Variants in PCDH15 observed in about 807,000 individuals in gnomAD.
The protein encoded by PCDH15 is protocadherin related 15, also known as protocadherin-15.
PCDH15 carries 129 observed loss-of-function variants against 178.5 expected under a neutral mutation model. The ratio of observed to expected loss-of-function variants is 0.72; its 90% confidence interval spans 0.63 to 0.84. The LOEUF is 0.84. PCDH15 is among the 40% of genes least tolerant of loss of function. The probability of loss-of-function intolerance (pLI) is 0.00; values close to 1 mark genes in which losing one functional copy is unlikely to be tolerated. For synonymous variants in PCDH15, 800 were observed against 732.0 expected (o/e 1.09, Z -1.50); for missense variants, 2,230 against 2,099.9 (o/e 1.06, Z -1.21).
chr10:54,981,812 G>A (rs1479879922), intron 2 of PCDH15, among the ~76,000 whole-genome samples: 1 of 151,966 alleles, frequency 6.6e-6, no homozygotes, highest in East Asian at 1.9e-4. Flanking sequence ...GTCTCATTCT[G>A]CTGCCCAGGT....
rs147471307 is a variant in PCDH15 at position 54,360,944 on chromosome 10, T to C, written c.474+8176A>G. ...ATTAGTCTTGCTGTTATATGGGATT[T>C]AGCATTCTTCATTTTGTTTGGTTAT... On this transcript the variant is annotated intron_variant, in intron 5 of 37. Coordinates refer to ENST00000644397, the MANE Select transcript of PCDH15 (RefSeq NM_001384140.1). 6.2e-3 allele frequency among the ~76,000 whole-genome samples: 940 copies of C among 152,278 alleles called. 9 individuals carry two copies. The highest frequency in any genetic ancestry group is 0.02 in the African/African-American group (835 of 41,568).
At chr10:54,512,359 TTGTG>T (rs200575121) in intron 3 of PCDH15, among the ~76,000 whole-genome samples, 7,785 of 134,066 alleles carry the variant, frequency 0.058, 268 homozygotes, top group African/African-American at 0.094. Context: ...ATTTCTGGCA[TTGTG>T]TGTGTGTGTG....
chr10:55,105,576 A>G (rs1013851245), intron 2 of PCDH15, among the ~76,000 whole-genome samples: 1 of 152,154 alleles, frequency 6.6e-6, no homozygotes, highest in East Asian at 1.9e-4. Context: ...GGAGGATCCT[A>G]TTCATCCTGT....
At chr10:54,697,515 GTATATA>G (rs141387823) in intron 1 of PCDH15, among the ~76,000 whole-genome samples, 1 of 143,054 alleles carries the variant, frequency 7.0e-6, no homozygotes, top group Non-Finnish European at 1.5e-5. Flanking sequence ...TGAAATGTGT[GTATATA>G]TATATATATA....
At chr10:54,770,767 G>A (rs1566189003) in intron 1 of PCDH15, among the ~76,000 whole-genome samples, 1 of 151,934 alleles carries the variant, frequency 6.6e-6, no homozygotes, top group African/African-American at 2.4e-5. Flanking sequence ...ATTAAATGAA[G>A]TTACTTAATC....
chr10:55,088,445 A>AT (rs1221951330), intron 2 of PCDH15, among the ~76,000 whole-genome samples: 2 of 151,252 alleles, frequency 1.3e-5, no homozygotes, highest in African/African-American at 2.4e-5. Context: ...ATTTTTTTGT[A>AT]TTTTTTTTAG....
intron 18 of PCDH15, among the ~76,000 whole-genome samples, chr10:54,042,783 T>A (rs933522817): frequency 3.9e-5 from 6 of 152,112 alleles, no homozygotes; most frequent in African/African-American, 1.4e-4. Flanking sequence ...TAATTTGCAT[T>A]TTTAAAATAT....
intron 2 of PCDH15, among the ~76,000 whole-genome samples, chr10:55,578,764 G>A (rs571641603): frequency 6.6e-6 from 1 of 152,230 alleles, no homozygotes; most frequent in South Asian, 2.1e-4. Flanking sequence ...GGAAGGGGGA[G>A]CAAAGTCACA....
At chr10:53,876,181 T>G (rs1293007738) in intron 26 of PCDH15, among the ~76,000 whole-genome samples, 1 of 107,128 alleles carries the variant, frequency 9.3e-6, no homozygotes, top group Admixed American at 1.2e-4. Flanking sequence ...GAGTCTTGTT[T>G]TTTTTTTTGT....
At chr10:55,215,759 A>C (rs1270875819) in intron 1 of PCDH15, among the ~76,000 whole-genome samples, 1 of 151,952 alleles carries the variant, frequency 6.6e-6, no homozygotes. Flanking sequence ...ATGTGTGAGC[A>C]TCTGTTTTCA....
intron 2 of PCDH15, among the ~76,000 whole-genome samples, chr10:55,392,064 G>C (rs1837806529): frequency 6.6e-6 from 1 of 152,146 alleles, no homozygotes; most frequent in Non-Finnish European, 1.5e-5. Context: ...GAGTCTTGGT[G>C]CAATCAGAAC....
At chr10:55,341,793 ATATATATATATATTTTTTTTTTTTTTT>A (rs1485485525) in intron 2 of PCDH15, among the ~76,000 whole-genome samples, 8 of 12,908 alleles carry the variant, frequency 6.2e-4, no homozygotes, top group South Asian at 4.8e-3. Context: ...ATATATATAT[ATATATATATATATTTTTTTTTTTTTTT>A]TTTTTTTTTT....
At chr10:54,725,986 G>T (rs1285086672) in intron 1 of PCDH15, among the ~76,000 whole-genome samples, 1 of 151,388 alleles carries the variant, frequency 6.6e-6, no homozygotes, top group Non-Finnish European at 1.5e-5. Flanking sequence ...ATTAATGTAG[G>T]CAGCTGTTAC....
chr10:54,864,980 C>G (rs183648700), intron 3 of PCDH15, among the ~76,000 whole-genome samples: 39 of 152,268 alleles, frequency 2.6e-4, no homozygotes, highest in African/African-American at 9.4e-4. Context: ...AGATCATAGG[C>G]AGCCATCATA....
chr10:54,928,491 C>T (rs1247954653), intron 2 of PCDH15, among the ~76,000 whole-genome samples: 3 of 152,070 alleles, frequency 2.0e-5, no homozygotes, highest in African/African-American at 7.2e-5. Context: ...CCTTTCCAAC[C>T]TGATTGAAGA....
At chr10:54,330,216 C>G (rs76276313) in intron 6 of PCDH15, among the ~76,000 whole-genome samples, 1 of 151,406 alleles carries the variant, frequency 6.6e-6, no homozygotes, top group Non-Finnish European at 1.5e-5. Flanking sequence ...AGGTACATTC[C>G]GAGAAATGTG....
Position 54,167,850 on chromosome 10 carries a change from C to T in PCDH15, c.1591-14557G>A, listed in dbSNP as rs542880499. ...GCCCCAACCCCTTATTTCCGTGCCC[C>T]GACCCCTTATTTCTGTGCCCCATCC... On this transcript the variant is annotated intron_variant, in intron 13 of 37. Coordinates refer to ENST00000644397, the MANE Select transcript of PCDH15 (RefSeq NM_001384140.1). 3.6e-4 allele frequency among the ~76,000 whole-genome samples: 54 copies of T among 151,608 alleles called. 1 individual carries two copies. Among genetic ancestry groups the T allele is most frequent in the Admixed American group, 1.4e-3 (21 of 15,190 alleles).
At chr10:55,577,513 A>C (rs1842519627) in intron 2 of PCDH15, among the ~76,000 whole-genome samples, 1 of 152,202 alleles carries the variant, frequency 6.6e-6, no homozygotes, top group African/African-American at 2.4e-5. Context: ...CCTACCCTCC[A>C]GAACTTATTA....
intron 9 of PCDH15, among the ~76,000 whole-genome samples, chr10:54,218,319 C>T (rs560680126): frequency 6.6e-6 from 1 of 152,246 alleles, no homozygotes; most frequent in South Asian, 2.1e-4. Flanking sequence ...ACATACCACT[C>T]AATAGAAGAA....
Sources: allele counts gnomAD v4.1 joint callset (sites outside exome capture counted in the v4.1 genomes callset), GRCh38; gene constraint gnomAD v4.1.1; transcripts MANE v1.5; gene names NCBI Gene and HGNC (gene_info 2026-07-23, HGNC 2026-07-21).